PABPC4L: variants seen among roughly 807,000 people sequenced by gnomAD.
PABPC4L encodes poly(A) binding protein cytoplasmic 4 like.
For synonymous variants in PABPC4L, 169 were observed against 164.1 expected (o/e 1.03, Z -0.23); for missense variants, 452 against 451.4 (o/e 1.00, Z -0.01).
Position 134,200,289 on chromosome 4 carries a change from T to G in PABPC4L, c.731A>C (p.Lys244Thr). 6.3e-7 allele frequency: 1 copy of G among 1,574,842 alleles called. No individual in the cohort carries two copies. The highest frequency in any genetic ancestry group is 1.4e-5 in the African/African-American group (1 of 73,852). ...TCCATTCATTTCTTCAACAGCTTTC[T>G]TGGCAGCCTCATGGCTATCAAAACT... Reference protein sequence around the residue: ...FVSFDSHEAAKKAVEEMNGRD... With the variant: ...FVSFDSHEAATKAVEEMNGRD... The change falls in exon 2 of 2, where the codon AAG becomes ACG. Residue 244 changes from lysine (K) to threonine (T), a missense_variant. Physicochemically the swap from Lys to Thr is moderately conservative, Grantham distance 78. Coordinates refer to ENST00000421491, the MANE Select transcript of PABPC4L (RefSeq NM_001114734.2).
chr4:134,142,871 G>A, the PABPC4L span, among the ~76,000 whole-genome samples: 1,031 of 151,648 alleles, frequency 6.8e-3, 13 homozygotes, highest in Non-Finnish European at 8.9e-3. Flanking sequence ...CTAGCATAAA[G>A]CTTTTGCAAT....
At chr4:133,978,893 T>A in the PABPC4L span, 1 of 152,174 alleles carries the variant, frequency 6.6e-6, no homozygotes, top group Non-Finnish European at 1.5e-5. Context: ...TTACTGGACA[T>A]CTACAAATAC....
the PABPC4L span, among the ~76,000 whole-genome samples, chr4:134,188,258 T>TGCC: frequency 1.3e-5 from 2 of 152,232 alleles, no homozygotes; most frequent in African/African-American, 2.4e-5. Context: ...GTGGGTAATA[T>TGCC]CCATAATGCC....
At chr4:134,127,555 A>G in the PABPC4L span, among the ~76,000 whole-genome samples, 1 of 152,018 alleles carries the variant, frequency 6.6e-6, no homozygotes, top group Non-Finnish European at 1.5e-5. Flanking sequence ...AGAAGTAACA[A>G]TCACATCAGT....
At chr4:134,107,274 C>T in the PABPC4L span, among the ~76,000 whole-genome samples, 1 of 150,964 alleles carries the variant, frequency 6.6e-6, no homozygotes, top group Admixed American at 6.6e-5. Context: ...TAGATAATTC[C>T]TCTCTAAGGA....
chr4:134,107,726 T>C, the PABPC4L span, among the ~76,000 whole-genome samples: 1 of 151,692 alleles, frequency 6.6e-6, no homozygotes. Flanking sequence ...AGTTTGAATT[T>C]AAATATCTCT....
At chr4:134,167,491 G>T in the PABPC4L span, among the ~76,000 whole-genome samples, 1 of 151,906 alleles carries the variant, frequency 6.6e-6, no homozygotes, top group East Asian at 1.9e-4. Context: ...TAGAGTGGCT[G>T]AATGGTTAAA....
chr4:133,960,201 G>A, the PABPC4L span, among the ~76,000 whole-genome samples: 1 of 152,166 alleles, frequency 6.6e-6, no homozygotes, highest in African/African-American at 2.4e-5. Flanking sequence ...TCTGAAGGAA[G>A]CAGACTGCTC....
At chr4:134,089,860 A>C in the PABPC4L span, among the ~76,000 whole-genome samples, 1 of 152,032 alleles carries the variant, frequency 6.6e-6, no homozygotes, top group Non-Finnish European at 1.5e-5. Context: ...GGATAATTGC[A>C]GAGAGTTTGT....
At chr4:134,109,285 T>C in the PABPC4L span, among the ~76,000 whole-genome samples, 11 of 152,118 alleles carry the variant, frequency 7.2e-5, no homozygotes, top group Admixed American at 4.6e-4. Flanking sequence ...ATGTGCTTTT[T>C]TCTATTAAAA....
the PABPC4L span, among the ~76,000 whole-genome samples, chr4:134,090,456 A>C: frequency 3.3e-5 from 5 of 152,086 alleles, no homozygotes; most frequent in Non-Finnish European, 5.9e-5. Flanking sequence ...CCAAAGTCTC[A>C]GCACTATTCA....
chr4:134,142,604 G>A, the PABPC4L span, among the ~76,000 whole-genome samples: 13 of 151,230 alleles, frequency 8.6e-5, no homozygotes, highest in South Asian at 1.0e-3. Context: ...CACATGTTCC[G>A]TGTTGTCAAG....
the PABPC4L span, among the ~76,000 whole-genome samples, chr4:134,044,978 C>T: frequency 3.3e-5 from 5 of 152,070 alleles, no homozygotes; most frequent in Admixed American, 2.0e-4. Context: ...AAATATTTGC[C>T]TAATATTCAG....
At chr4:134,137,462 T>C in the PABPC4L span, among the ~76,000 whole-genome samples, 2 of 151,932 alleles carry the variant, frequency 1.3e-5, no homozygotes, top group Admixed American at 6.6e-5. Flanking sequence ...GATCTTACCA[T>C]GTTTAGCTTA....
At chr4:134,039,608 T>C in the PABPC4L span, among the ~76,000 whole-genome samples, 1 of 152,062 alleles carries the variant, frequency 6.6e-6, no homozygotes, top group African/African-American at 2.4e-5. Context: ...TCTTTGTTGG[T>C]TTAAAGTCTG....
the PABPC4L span, among the ~76,000 whole-genome samples, chr4:134,015,488 G>C: frequency 6.6e-6 from 1 of 152,080 alleles, no homozygotes; most frequent in Non-Finnish European, 1.5e-5. Context: ...GACTGACCCT[G>C]ACACTCATTA....
At chr4:134,162,330 T>A in the PABPC4L span, among the ~76,000 whole-genome samples, 10 of 152,196 alleles carry the variant, frequency 6.6e-5, no homozygotes, top group East Asian at 1.9e-3. Context: ...CCTAAATATA[T>A]ATGCACCTAA....
the PABPC4L span, among the ~76,000 whole-genome samples, chr4:134,070,236 T>A: frequency 1.3e-5 from 2 of 151,922 alleles, no homozygotes; most frequent in Admixed American, 1.3e-4. Flanking sequence ...AGCACTCTGA[T>A]GAGTGGTGCC....
In PABPC4L at chr4:134,200,695, T is replaced by C. The variant is rs904516055; in HGVS notation, c.325A>G (p.Ile109Val). 5.2e-6 allele frequency: 8 copies of C among 1,551,696 alleles called. No individual in the cohort carries two copies. Among genetic ancestry groups the C allele is most frequent in the Admixed American group, 2.0e-5 (1 of 50,992 alleles). ...NVFIKNLDKS[I>V]DNKTLYEHFS... The stretch of plus-strand genomic sequence containing the variant: ...TGTTCATAAAGGGTTTTGTTATCGA[T>C]AGATTTGTCCAGATTCTTGATGAAT... Residue 109 changes from isoleucine (I) to valine (V), a missense_variant, in exon 2 of 2, where the codon ATC (isoleucine) becomes GTC (valine). Transcript: ENST00000421491.
Sources: gnomAD v4.1 joint callset for allele counts (sites outside exome capture counted in the v4.1 genomes callset) on GRCh38, gnomAD v4.1.1 for gene constraint, MANE v1.5 for transcripts, NCBI Gene and HGNC (gene_info 2026-07-23, HGNC 2026-07-21) for gene names.